The following PLCE1 variants were observed in gnomAD, a reference collection of about 807,000 sequenced individuals.
PLCE1 encodes the protein phospholipase C epsilon 1.
A neutral mutation model predicts 242.8 loss-of-function variants in PLCE1; 119 were observed. That is an observed-to-expected ratio of 0.49 (90% CI 0.42 to 0.57). The LOEUF is 0.57. PLCE1 is among the 20% of genes least tolerant of loss of function. PLCE1 has a pLI of 0.00. For synonymous variants in PLCE1, 945 were observed against 1,017.4 expected, an observed-to-expected ratio of 0.93 and a Z score of 1.35; for missense variants, 2,441 against 2,788.8, an observed-to-expected ratio of 0.88 and a Z score of 2.81.
At chr10:94,253,818 T>A (rs1564831901) in intron 9 of PLCE1, among the ~76,000 whole-genome samples, 1 of 152,142 alleles carries the variant, frequency 6.6e-6, no homozygotes, top group Non-Finnish European at 1.5e-5. Context: ...AACATGAGAT[T>A]TGAAGGGGAC....
At chr10:94,080,343 T>A (rs2044620746) in intron 2 of PLCE1, among the ~76,000 whole-genome samples, 1 of 152,170 alleles carries the variant, frequency 6.6e-6, no homozygotes, top group Admixed American at 6.5e-5. Context: ...GGTTGTTAAC[T>A]TCAGTTTATG....
chr10:94,250,351 A>T (rs1220430886), intron 8 of PLCE1, among the ~76,000 whole-genome samples: 1 of 151,852 alleles, frequency 6.6e-6, no homozygotes, highest in Non-Finnish European at 1.5e-5. Flanking sequence ...AAAATGCAAA[A>T]ATTAGCTGGG....
At chr10:94,103,926 A>G (rs766369915) in intron 2 of PLCE1, among the ~76,000 whole-genome samples, 1 of 152,248 alleles carries the variant, frequency 6.6e-6, no homozygotes, top group Non-Finnish European at 1.5e-5. Flanking sequence ...CTTTTTAAAG[A>G]GAAATGTCAT....
chr10:94,003,692 A>G (rs1392906447), intron 1 of PLCE1, among the ~76,000 whole-genome samples: 1 of 152,200 alleles, frequency 6.6e-6, no homozygotes, highest in Non-Finnish European at 1.5e-5. Flanking sequence ...CAGATGTGGT[A>G]AGGAGCTAGG....
intron 2 of PLCE1, among the ~76,000 whole-genome samples, chr10:94,053,062 C>A (rs1402789323): frequency 6.6e-6 from 1 of 152,124 alleles, no homozygotes; most frequent in African/African-American, 2.4e-5. Context: ...TTTGGAATGC[C>A]CTTCATTTCT....
At chr10:94,188,111 T>C (rs769880526) in intron 4 of PLCE1, among the ~76,000 whole-genome samples, 1 of 152,188 alleles carries the variant, frequency 6.6e-6, no homozygotes, top group African/African-American at 2.4e-5. Context: ...GGTCTTGTTA[T>C]AAGTCATTTT....
At chr10:94,070,254 CA>C (rs2044313532) in intron 2 of PLCE1, among the ~76,000 whole-genome samples, 1 of 152,186 alleles carries the variant, frequency 6.6e-6, no homozygotes, top group Non-Finnish European at 1.5e-5. Flanking sequence ...TGTATGCAAT[CA>C]ATCAATAATC....
At chr10:94,077,674 G>A (rs1044708401) in intron 2 of PLCE1, among the ~76,000 whole-genome samples, 22 of 152,100 alleles carry the variant, frequency 1.4e-4, no homozygotes, top group Non-Finnish European at 2.1e-4. Context: ...AGGCTGAGGC[G>A]GGAGGATCAC....
intron 17 of PLCE1, among the ~76,000 whole-genome samples, 158 bp downstream of exon 17, chr10:94,269,194 G>A (rs768028289): frequency 1.9e-4 from 26 of 139,764 alleles, no homozygotes; most frequent in Admixed American, 5.5e-4. Context: ...CTCTGCCTCC[G>A]AGGTTCAAGA....
chr10:94,007,981 C>T (rs2061079923), intron 1 of PLCE1, among the ~76,000 whole-genome samples: 1 of 149,962 alleles, frequency 6.7e-6, no homozygotes, highest in Non-Finnish European at 1.5e-5. Flanking sequence ...AGTTCGAGGC[C>T]AGCATGGGCA....
At chr10:94,037,826 G>A (rs973158329) in intron 2 of PLCE1, among the ~76,000 whole-genome samples, 1 of 152,130 alleles carries the variant, frequency 6.6e-6, no homozygotes, top group African/African-American at 2.4e-5. Context: ...TGGTAAGAGC[G>A]GGAATGAAAA....
At chr10:94,270,681 G>GT (rs1275979295) in intron 18 of PLCE1, 79 bp downstream of exon 18, 7 of 930,386 alleles carry the variant, frequency 7.5e-6, no homozygotes, top group Non-Finnish European at 1.1e-5. Flanking sequence ...GTTTTGTTTT[G>GT]TTTTTTGAGA....
chr10:94,023,005 A>G (rs939624559), intron 1 of PLCE1, among the ~76,000 whole-genome samples: 4 of 152,144 alleles, frequency 2.6e-5, no homozygotes, highest in Non-Finnish European at 4.4e-5. Context: ...GGGGCTCTCA[A>G]TCTGTGAGGG....
intron 2 of PLCE1, among the ~76,000 whole-genome samples, chr10:94,086,096 A>G (rs960310569): frequency 6.6e-6 from 1 of 152,144 alleles, no homozygotes; most frequent in African/African-American, 2.4e-5. Context: ...GTGAGCAGGC[A>G]GGCATGTGAT....
chr10:94,321,945 C>A lies in PLCE1; in HGVS notation c.6387C>A (p.Ile2129=), dbSNP rs2053822721. ...TTGTTCAAGATGACAAAGAGGTGAT[C>A]TTGAGCTCAGAGGAGGAGAGTTTCT... is the stretch of plus-strand genomic sequence containing the variant. ...KNIVQDDKEV[I]LSSEEESFFV... is the part of the protein sequence containing the mutation. The change falls in exon 30 of 33, where the codon ATC becomes ATA. Residue 2129 remains isoleucine, a synonymous_variant. Coordinates refer to ENST00000371380, the MANE Select transcript of PLCE1 (RefSeq NM_016341.4). 1 of 1,613,764 alleles carries A rather than the reference C, an allele frequency of 6.2e-7. No individual in the cohort carries two copies. The highest frequency in any genetic ancestry group is 1.3e-5 in the African/African-American group (1 of 74,870).
chr10:94,071,463 G>A (rs1233738346), intron 2 of PLCE1, among the ~76,000 whole-genome samples: 6 of 146,322 alleles, frequency 4.1e-5, no homozygotes, highest in African/African-American at 1.3e-4. Flanking sequence ...AGTCTTCCTC[G>A]GGTTTTGTCT....
chr10:94,177,928 G>C (rs2048175465), intron 4 of PLCE1, among the ~76,000 whole-genome samples: 1 of 152,166 alleles, frequency 6.6e-6, no homozygotes, highest in Non-Finnish European at 1.5e-5. Flanking sequence ...AAGCACTTTG[G>C]TGGAACGTGG....
intron 3 of PLCE1, among the ~76,000 whole-genome samples, chr10:94,136,418 A>G (rs117532780): frequency 0.018 from 2,751 of 152,286 alleles, 24 homozygotes; most frequent in Middle Eastern, 0.048. Flanking sequence ...TTATCATAAG[A>G]AGAAATAATT....
In PLCE1 at chr10:94,325,289, A is replaced by G. The variant is rs992997045; in HGVS notation, c.*24+185A>G. The G allele has an allele frequency of 5.3e-6, 3 of 566,590 alleles. No homozygotes were observed. In the African/African-American group the frequency reaches 5.6e-5, roughly 11 times the overall value. 35.1% of individuals were successfully genotyped at this position (566,590 alleles called of 1,614,324 possible). The stretch of plus-strand genomic sequence containing the variant: ...TATGTGTAACATGATATGCTATTGA[A>G]CACCGCCTATAAAGAAAAAGGGAAA... On this transcript the variant is annotated intron_variant, in intron 32 of 32. Coordinates refer to ENST00000371380, the MANE Select transcript of PLCE1 (RefSeq NM_016341.4).
Sources: allele counts gnomAD v4.1 joint callset (sites outside exome capture counted in the v4.1 genomes callset), GRCh38; gene constraint gnomAD v4.1.1; transcripts MANE v1.5; gene names NCBI Gene and HGNC (gene_info 2026-07-23, HGNC 2026-07-21).